CRYBG2: variants seen among roughly 807,000 people sequenced by gnomAD.
The protein encoded by CRYBG2 is beta/gamma crystallin domain-containing protein 2.
CRYBG2 carries 106 observed loss-of-function variants against 153.4 expected under a neutral mutation model. That is an observed-to-expected ratio of 0.69 (90% CI 0.59 to 0.81). The LOEUF (loss-of-function observed/expected upper bound fraction) is 0.81, where lower values mean the gene tolerates loss of function less well. Ranked by LOEUF, CRYBG2 falls within the 30% of genes least tolerant of loss-of-function variation. The pLI, the probability that CRYBG2 is intolerant of heterozygous loss-of-function variation, is 0.00. For missense variants in CRYBG2, 1,996 were observed against 2,112.0 expected (o/e 0.95, Z 1.08); for synonymous variants, 851 against 877.8 (o/e 0.97, Z 0.54).
Position 26,324,135 on chromosome 1 carries a change from A to G in CRYBG2, c.4737+17T>C. The stretch of plus-strand genomic sequence containing the variant: ...CCTAGGGCCAGGGTGTCCCTGTGCC[A>G]GCCCCTGTATCAGTACCTGGTTCTT... On this transcript the variant is annotated intron_variant, in intron 18 of 19. Coordinates refer to ENST00000308182, the MANE Select transcript of CRYBG2 (RefSeq NM_001039775.4). 1 of 1,609,340 alleles carries G rather than the reference A, an allele frequency of 6.2e-7. No individual in the cohort carries two copies. The highest frequency in any genetic ancestry group is 8.5e-7 in the Non-Finnish European group (1 of 1,176,980).
chr1:26,322,462 T>C (rs1056439497), intron 18 of CRYBG2, 139 bp from the exon 19 acceptor site: 1 of 960,950 alleles, frequency 1.0e-6, no homozygotes, highest in Non-Finnish European at 1.4e-6. Flanking sequence ...CCTCCTCAGC[T>C]TCAGTTTCCT....
chr1:26,335,413 G>T lies in CRYBG2; in HGVS notation c.4184+682C>A, dbSNP rs1019188832. Among the ~76,000 whole-genome samples, 7 of 152,228 alleles carry T rather than the reference G, an allele frequency of 4.6e-5. No individual in the cohort carries two copies. In the East Asian group the frequency reaches 1.4e-3, roughly 29 times the overall value. On this transcript the variant is annotated intron_variant, in intron 14 of 19. Transcript: ENST00000308182. ...AATCGCTTGAACCTGGGAGGCGGAGGTTGCGGTGAGCTGAGATCGCGCCAC... is the reference window on the plus strand; with the variant it reads ...AATCGCTTGAACCTGGGAGGCGGAGTTTGCGGTGAGCTGAGATCGCGCCAC...
chr1:26,326,844 T>G (rs2073932562), intron 17 of CRYBG2: 2 of 514,156 alleles, frequency 3.9e-6, no homozygotes, highest in Admixed American at 4.0e-5. Flanking sequence ...CCAGGCAGAC[T>G]TCAAGGGGTT....
At position 26,338,378 on chromosome 1, in the gene CRYBG2, G is replaced by A. The variant is rs778026314; in HGVS notation, c.3444C>T (p.Ser1148=). The part of the protein sequence containing the change: ...TSEAWGTSDP[S]VGSLKPMRLG... The stretch of plus-strand genomic sequence containing the variant: ...ATCTCATGGGCTTCAGGGAGCCCAC[G>A]CTGGGGTCCGATGTGCCCCAGGCCT... Residue 1148 remains serine, a synonymous_variant, in exon 7 of 20, where the codon AGC becomes AGT. Transcript: ENST00000308182. The A allele has an allele frequency of 3.7e-6, 6 of 1,611,234 alleles. No homozygotes were observed. Among genetic ancestry groups the A allele is most frequent in the Middle Eastern group, 1.7e-4 (1 of 6,036 alleles).
intron 14 of CRYBG2, among the ~76,000 whole-genome samples, chr1:26,333,287 C>T (rs553496650): frequency 3.9e-5 from 6 of 151,950 alleles, no homozygotes; most frequent in African/African-American, 4.8e-5. Flanking sequence ...AGGAAGAGGC[C>T]GGGTGCCGTG....
Position 26,337,318 on chromosome 1 carries a change from A to G in CRYBG2, c.3706T>C (p.Tyr1236His). The stretch of plus-strand genomic sequence containing the variant: ...CCTCCCCAGTGTGACCAGTCTGGGT[A>G]TTCCCCCTCCTCCAGCAGATACTGG... ...GHQYLLEEGE[Y>H]PDWSHWGGYD... Residue 1236 changes from tyrosine (Y) to histidine (H), a missense_variant, in exon 10 of 20, where the codon TAC becomes CAC. By Grantham distance (83) the Tyr-to-His change is moderately conservative. Coordinates refer to ENST00000308182, the MANE Select transcript of CRYBG2 (RefSeq NM_001039775.4). The G allele has an allele frequency of 6.2e-7, 1 of 1,613,994 alleles. No homozygotes were observed. Among genetic ancestry groups the G allele is most frequent in the Non-Finnish European group, 8.5e-7 (1 of 1,179,944 alleles).
rs1225729125 is a variant in CRYBG2 at position 26,328,000 on chromosome 1, AAATT to A, written c.4578+205_4578+208del. On this transcript the variant is annotated intron_variant, in intron 17 of 19. Transcript: ENST00000308182. ...AAAAAAAGCTTTTTTTAAGAAATAAAAATTAATTAAAAGACTTTTAAAAAGAGAG... is the reference window on the plus strand; with the variant it reads ...AAAAAAAGCTTTTTTTAAGAAATAAAAATTAAAAGACTTTTAAAAAGAGAG... 3.9e-5 allele frequency among the ~76,000 whole-genome samples: 6 copies of A among 152,108 alleles called. No individual in the cohort carries two copies. In the East Asian group the frequency reaches 5.8e-4, roughly 15 times the overall value.
chr1:26,333,830 T>A (rs2074024970), intron 14 of CRYBG2, among the ~76,000 whole-genome samples: 1 of 152,190 alleles, frequency 6.6e-6, no homozygotes, highest in Non-Finnish European at 1.5e-5. Context: ...TAATAATTAT[T>A]ATTTTAGAGA....
In CRYBG2 at chr1:26,324,272, C is replaced by T. The variant is rs745487352; in HGVS notation, c.4617G>A (p.Gly1539=). The change falls in exon 18 of 20, where the codon GGG becomes GGA. Residue 1539 remains glycine, a synonymous_variant. Transcript: ENST00000308182. ...CATGGTCCGGCACTGCCAGGAATCC[C>T]CCCAGTGCTGCATTCCAGAGGCGGA... is the stretch of plus-strand genomic sequence containing the variant. The part of the protein sequence containing the change: ...VYFRLWNAAL[G]GFLAVPDHVE... 1 of 1,611,144 alleles carries T rather than the reference C, an allele frequency of 6.2e-7. No individual in the cohort carries two copies. Among genetic ancestry groups the T allele is most frequent in the South Asian group, 1.1e-5 (1 of 91,066 alleles).
chr1:26,347,737 G>A lies in CRYBG2; in HGVS notation c.-55-1025C>T, dbSNP rs113478107. ...GATCTCCTGACCTCATGATCCACCC[G>A]TCTTGGCCTCCCAAAGTGCTCGGAT... On this transcript the variant is annotated intron_variant, in intron 1 of 19. Coordinates refer to ENST00000308182, the MANE Select transcript of CRYBG2 (RefSeq NM_001039775.4). Among the ~76,000 whole-genome samples, 777 of 152,090 alleles carry A rather than the reference G, an allele frequency of 5.1e-3. 4 individuals carry two copies. Among genetic ancestry groups the A allele is most frequent in the African/African-American group, 0.018 (728 of 41,484 alleles).
chr1:26,322,423 G>A, intron 18 of CRYBG2, 100 bp from the exon 19 acceptor site: 1 of 1,365,054 alleles, frequency 7.3e-7, no homozygotes. Context: ...TGGCTCTTAG[G>A]GACTGTGGCC....
Position 26,345,957 on chromosome 1 carries a change from G to A in CRYBG2, c.701C>T (p.Ala234Val). The change falls in exon 2 of 20, where the codon GCC becomes GTC. Residue 234 changes from alanine to valine, a missense_variant. Ala to Val is a moderately conservative substitution (Grantham distance 64). Transcript: ENST00000308182. ...CACGAGGTTACTTAGCACTTTCACGGCCTGGCTGCGGCTGGGCGAGCCTGG... is the reference window on the plus strand; with the variant it reads ...CACGAGGTTACTTAGCACTTTCACGACCTGGCTGCGGCTGGGCGAGCCTGG... ...SPPGSPSRSQ[A>V]VKVLSNLVPA... 1 of 1,594,414 alleles carries A rather than the reference G, an allele frequency of 6.3e-7. No homozygotes were observed. The highest frequency in any genetic ancestry group is 8.5e-7 in the Non-Finnish European group (1 of 1,177,396).
At chr1:26,327,462 C>T (rs1020354487) in intron 17 of CRYBG2, among the ~76,000 whole-genome samples, 2 of 137,490 alleles carry the variant, frequency 1.5e-5, no homozygotes, top group South Asian at 2.2e-4. Flanking sequence ...TGCGAGATTC[C>T]GTCTCAAAAA....
At position 26,346,051 on chromosome 1, in the gene CRYBG2, A is replaced by C. The variant is rs780502054; in HGVS notation, c.607T>G (p.Ser203Ala). ...SSSVTVRPVS[S>A]GEALPRGRQV... ...CGGCCCCGTGGCAGGGCCTCGCCTG[A>C]GGACACTGGCCTCACAGTCACAGAG... Residue 203 changes from serine (S) to alanine (A), a missense_variant, in exon 2 of 20, where the codon TCA becomes GCA. Coordinates refer to ENST00000308182, the MANE Select transcript of CRYBG2 (RefSeq NM_001039775.4). This position sits in a 1 kb window ranked among gnomAD's most constrained non-coding sequence, Gnocchi z 4.9. 6.3e-7 allele frequency: 1 copy of C among 1,590,212 alleles called. No homozygotes were observed. Among genetic ancestry groups the C allele is most frequent in the Non-Finnish European group, 8.5e-7 (1 of 1,175,142 alleles).
Position 26,342,801 on chromosome 1 carries a change from T to C in CRYBG2, c.3157A>G (p.Thr1053Ala), listed in dbSNP as rs749756867. 6.2e-7 allele frequency: 1 copy of C among 1,614,060 alleles called. No homozygotes were observed. Among genetic ancestry groups the C allele is most frequent in the South Asian group, 1.1e-5 (1 of 91,078 alleles). Residue 1053 changes from threonine (T) to alanine (A), a missense_variant, in exon 5 of 20, where the codon ACA becomes GCA. Physicochemically the swap from Thr to Ala is moderately conservative, Grantham distance 58. Coordinates refer to ENST00000308182, the MANE Select transcript of CRYBG2 (RefSeq NM_001039775.4). ...CCGATGCCTTGGGGACTCCACTTTG[T>C]CCCTGGGGTTCTGAGTTCCATGTCT... is the stretch of plus-strand genomic sequence containing the variant. ...EGDMELRTPG[T>A]KWSPQGIGSL...
chr1:26,345,643 C>T lies in CRYBG2; in HGVS notation c.1015G>A (p.Glu339Lys). The T allele has an allele frequency of 5.0e-6, 8 of 1,599,018 alleles. No individual in the cohort carries two copies. The highest frequency in any genetic ancestry group is 5.9e-6 in the Non-Finnish European group (7 of 1,179,778). ...WQVLGAPSSTELPLQTSQGQA... is the reference protein window; with the variant it reads ...WQVLGAPSSTKLPLQTSQGQA... The stretch of plus-strand genomic sequence containing the variant: ...CCCTGAGAAGTCTGGAGAGGGAGCT[C>T]AGTGGAACTGGGGGCTCCCAGCACC... The change falls in exon 2 of 20, where the codon GAG becomes AAG. Residue 339 changes from glutamate to lysine, a missense_variant. Physicochemically the swap from Glu to Lys is moderately conservative, Grantham distance 56 (BLOSUM62 1). Coordinates refer to ENST00000308182, the MANE Select transcript of CRYBG2 (RefSeq NM_001039775.4).
Position 26,322,320 on chromosome 1 carries a change from C to T in CRYBG2, c.4741G>A (p.Ala1581Thr), listed in dbSNP as rs1473129029. ...ATCACCTGTAGGCTCATGGTGGGGG[C>T]CATCTGAGGCCCCAGGAGGTCATCA... ...YEDGLLKNQM[A>T]PTMSLQVIGP... is the part of the protein sequence containing the mutation. The change falls in exon 19 of 20, where the codon GCC becomes ACC. Residue 1581 changes from alanine to threonine, a missense_variant. Coordinates refer to ENST00000308182, the MANE Select transcript of CRYBG2 (RefSeq NM_001039775.4). 1 of 1,609,882 alleles carries T rather than the reference C, an allele frequency of 6.2e-7. No homozygotes were observed. The highest frequency in any genetic ancestry group is 8.5e-7 in the Non-Finnish European group (1 of 1,177,908).
rs776054699 is a variant in CRYBG2, at chr1:26,324,122, G to A, written c.4737+30C>T. ...GGACCTGCAAATGCCTAGGGCCAGGGTGTCCCTGTGCCAGCCCCTGTATCA... is the reference window on the plus strand; with the variant it reads ...GGACCTGCAAATGCCTAGGGCCAGGATGTCCCTGTGCCAGCCCCTGTATCA... On this transcript the variant is annotated intron_variant, in intron 18 of 19. Transcript: ENST00000308182. 15 of 1,603,470 alleles carry A rather than the reference G, an allele frequency of 9.4e-6. No individual in the cohort carries two copies. The Admixed American group carries it at 2.5e-4, about 27-fold the overall frequency.
chr1:26,346,098 T>A lies in CRYBG2; in HGVS notation c.560A>T (p.His187Leu). Residue 187 changes from histidine to leucine, a missense_variant, in exon 2 of 20, where the codon CAT becomes CTT. His to Leu is a moderately conservative substitution (Grantham distance 99). Transcript: ENST00000308182. This position sits in a 1 kb window ranked among gnomAD's most constrained non-coding sequence, Gnocchi z 4.9. The part of the protein sequence containing the change: ...TVRTTTVVGG[H>L]VDRRMSSSVT... ...AGAGCTGCTCATCCGCCGGTCCACA[T>A]GACCTCCCACCACTGTGGTGGTCCG... is the stretch of plus-strand genomic sequence containing the variant. 6.3e-7 allele frequency: 1 copy of A among 1,575,148 alleles called. No homozygotes were observed. The highest frequency in any genetic ancestry group is 8.6e-7 in the Non-Finnish European group (1 of 1,164,988).
Sources: allele counts gnomAD v4.1 joint callset (sites outside exome capture counted in the v4.1 genomes callset), GRCh38; gene constraint gnomAD v4.1.1; non-coding constraint Gnocchi (gnomAD v3.1); transcripts MANE v1.5; gene names NCBI Gene and HGNC (gene_info 2026-07-23, HGNC 2026-07-21).